Variants in RNASET2 observed in about 807,000 individuals in gnomAD.
RNASET2 encodes ribonuclease T2.
Under a neutral mutation model 33.9 loss-of-function variants are expected in RNASET2, and 28 were observed. The ratio of observed to expected loss-of-function variants is 0.83; its 90% CI spans 0.61 to 1.13. The LOEUF (loss-of-function observed/expected upper bound fraction) is 1.13, where lower values mean the gene tolerates loss of function less well. Among genes scored for constraint, RNASET2 ranks in the 50% most tolerant of loss-of-function variants. The probability of loss-of-function intolerance (pLI) is 0.00; values close to 1 mark genes in which losing one functional copy is unlikely to be tolerated. For missense variants in RNASET2, 330 were observed against 319.9 expected, an observed-to-expected ratio of 1.03 and a Z score of -0.24; for synonymous variants, 123 against 121.0, an observed-to-expected ratio of 1.02 and a Z score of -0.11.
Position 166,929,614 on chromosome 6 carries a change from GA to G in RNASET2, c.744del (p.Pro250HisfsTer48). The stretch of plus-strand genomic sequence containing the variant: ...CAATGCTTGGTCTTTTTAGGTGGGG[GA>G]TAGAAGACTGGGCCATCTTCACAGA... ...LRVCEDGPVF[Y>X]PPPKKTKH On this transcript the variant is annotated frameshift_variant, in exon 9 of 9. Transcript: ENST00000508775. LOFTEE classifies it high-confidence loss of function. 6.2e-7 allele frequency: 1 copy of G among 1,614,126 alleles called. No individual in the cohort carries two copies. Among genetic ancestry groups the G allele is most frequent in the Non-Finnish European group, 8.5e-7 (1 of 1,180,026 alleles).
intron 1 of RNASET2, among the ~76,000 whole-genome samples, chr6:166,955,088 G>T (rs937882115): frequency 1.3e-5 from 2 of 152,078 alleles, no homozygotes; most frequent in Non-Finnish European, 2.9e-5. Context: ...AAATAATATG[G>T]TATTCAAATA....
chr6:166,952,384 C>A, intron 2 of RNASET2, 104 bp downstream of exon 2: 1 of 999,088 alleles, frequency 1.0e-6, no homozygotes, highest in East Asian at 2.4e-5. Context: ...GCGATGCCTA[C>A]CTCCCGCACC....
rs76902111 is a variant in RNASET2 at position 166,928,576 on chromosome 6, C to T, written c.*1012G>A. ...TATATTGAATAAAACATAAATAGGA[C>T]GTTAATGTGATTAAGACAAACAGAG... On this transcript the variant is annotated 3_prime_UTR_variant, in exon 9 of 9. Coordinates refer to ENST00000508775, the MANE Select transcript of RNASET2 (RefSeq NM_003730.6). Among the ~76,000 whole-genome samples, 5,922 of 151,556 alleles carry T rather than the reference C, an allele frequency of 0.039. 225 individuals carry two copies. Among genetic ancestry groups the T allele is most frequent in the African/African-American group, 0.098 (4,062 of 41,260 alleles).
chr6:166,930,483 G>A (rs1014585605), intron 8 of RNASET2, among the ~76,000 whole-genome samples: 32 of 128,252 alleles, frequency 2.5e-4, no homozygotes, highest in Admixed American at 7.6e-4. Context: ...ACACACACAC[G>A]CACATGCCCA....
At chr6:166,952,606 T>A in intron 1 of RNASET2, 58 bp from the exon 2 acceptor site, 1 of 1,325,584 alleles carries the variant, frequency 7.5e-7, no homozygotes, top group East Asian at 2.3e-5. Context: ...ACAGAAAAAA[T>A]TCATCCACCC....
At chr6:166,936,228 CTGAATGAATGAA>C (rs546247226) in intron 6 of RNASET2, among the ~76,000 whole-genome samples, 8 of 152,104 alleles carry the variant, frequency 5.3e-5, no homozygotes, top group Non-Finnish European at 1.0e-4. Context: ...TGAACATTTA[CTGAATGAATGAA>C]TGAATGAATG....
At chr6:166,950,641 G>A (rs1269904378) in intron 2 of RNASET2, among the ~76,000 whole-genome samples, 3 of 152,218 alleles carry the variant, frequency 2.0e-5, no homozygotes, top group South Asian at 2.1e-4. Context: ...AGCAGGGTAC[G>A]CCCTGAGGTG....
At chr6:166,947,034 C>A (rs760751815) in intron 3 of RNASET2, among the ~76,000 whole-genome samples, 25 of 152,078 alleles carry the variant, frequency 1.6e-4, no homozygotes, top group Non-Finnish European at 3.7e-4. Flanking sequence ...CACCGAGGAG[C>A]GGGGACTCTG....
chr6:166,922,297 A>G lies in RNASET2; in HGVS notation c.*7291T>C, dbSNP rs1336221644. Among the ~76,000 whole-genome samples, 1 of 152,220 alleles carries G rather than the reference A, an allele frequency of 6.6e-6. No individual in the cohort carries two copies. Among genetic ancestry groups the G allele is most frequent in the Non-Finnish European group, 1.5e-5 (1 of 68,034 alleles). On this transcript the variant is annotated 3_prime_UTR_variant, in exon 9 of 9. Transcript: ENST00000508775. ...CAAAAAGCGCGGTGATCTGAGTTAT[A>G]GTAAAGCCTGTTTCGTTGGTGTTTG...
rs529452451 is a variant in RNASET2, at chr6:166,924,712, G to C, written c.*4876C>G. Among the ~76,000 whole-genome samples the C allele has an allele frequency of 6.6e-6, 1 of 152,278 alleles. No individual in the cohort carries two copies. Among genetic ancestry groups the C allele is most frequent in the East Asian group, 1.9e-4 (1 of 5,178 alleles). On this transcript the variant is annotated 3_prime_UTR_variant, in exon 9 of 9. Coordinates refer to ENST00000508775, the MANE Select transcript of RNASET2 (RefSeq NM_003730.6). ...TTGCCGTCTGTTGCCCTGCACTTTG[G>C]GAGGCTGAGGCAGGTGGATCACCCG...
chr6:166,955,273 GCACACA>G (rs1326300560), intron 1 of RNASET2, among the ~76,000 whole-genome samples: 3 of 84,728 alleles, frequency 3.5e-5, no homozygotes, highest in Non-Finnish European at 6.4e-5. Flanking sequence ...ACACACACGC[GCACACA>G]CGACACACAC....
Position 166,927,024 on chromosome 6 carries a change from G to A in RNASET2, c.*2564C>T, listed in dbSNP as rs751509489. On this transcript the variant is annotated 3_prime_UTR_variant, in exon 9 of 9. Transcript: ENST00000508775. ...GGCCTGCTCCTCCTTCCACACATAC[G>A]AGCCTGAGACCCCGCTCACATGGGA... 3.9e-5 allele frequency among the ~76,000 whole-genome samples: 6 copies of A among 152,002 alleles called. No individual in the cohort carries two copies. The highest frequency in any genetic ancestry group is 7.4e-5 in the Non-Finnish European group (5 of 68,024).
intron 2 of RNASET2, among the ~76,000 whole-genome samples, chr6:166,951,019 T>C (rs1310503921): frequency 1.3e-5 from 2 of 151,218 alleles, no homozygotes; most frequent in Non-Finnish European, 3.0e-5. Flanking sequence ...CGGAGACCAG[T>C]AGTGGCCCCG....
At position 166,925,163 on chromosome 6, in the gene RNASET2, CTCCTGCCGCCCAGCCCTCA is replaced by C; in HGVS notation, c.*4406_*4424del. Among the ~76,000 whole-genome samples, 2 of 107,256 alleles carry C rather than the reference CTCCTGCCGCCCAGCCCTCA, an allele frequency of 1.9e-5. No individual in the cohort carries two copies. Among genetic ancestry groups the C allele is most frequent in the African/African-American group, 7.1e-5 (1 of 14,118 alleles). 70.4% of individuals were successfully genotyped at this position (107,256 alleles called of 152,430 possible). On this transcript the variant is annotated 3_prime_UTR_variant, in exon 9 of 9. Transcript: ENST00000508775. ...CCTCATCTACGCCATCCAGCCCTCA[CTCCTGCCGCCCAGCCCTCA>C]CTCCTGCCGCCCAGCCCTCACCTCT... is the stretch of plus-strand genomic sequence containing the variant.
chr6:166,929,026 G>A lies in RNASET2; in HGVS notation c.*562C>T, dbSNP rs941509474. ...ACCCAAATCTCCTAGGGCAGGAGGGGCAAAGTCACCGTTCTAGGACACACC... is the reference window on the plus strand; with the variant it reads ...ACCCAAATCTCCTAGGGCAGGAGGGACAAAGTCACCGTTCTAGGACACACC... On this transcript the variant is annotated 3_prime_UTR_variant, in exon 9 of 9. Coordinates refer to ENST00000508775, the MANE Select transcript of RNASET2 (RefSeq NM_003730.6). 2.0e-5 allele frequency among the ~76,000 whole-genome samples: 3 copies of A among 152,240 alleles called. No homozygotes were observed. The highest frequency in any genetic ancestry group is 4.4e-5 in the Non-Finnish European group (3 of 68,040).
At chr6:166,935,492 G>A (rs1459711280) in intron 6 of RNASET2, among the ~76,000 whole-genome samples, 1 of 152,122 alleles carries the variant, frequency 6.6e-6, no homozygotes, top group Non-Finnish European at 1.5e-5. Context: ...CCAGCATCAT[G>A]CTTTCTGCTG....
At chr6:166,936,912 T>A (rs1314661654) in intron 6 of RNASET2, among the ~76,000 whole-genome samples, 1 of 152,230 alleles carries the variant, frequency 6.6e-6, no homozygotes, top group Non-Finnish European at 1.5e-5. Flanking sequence ...TTATCCTTTC[T>A]CTGTTTGATT....
chr6:166,927,891 A>T lies in RNASET2; in HGVS notation c.*1697T>A, dbSNP rs534977047. Among the ~76,000 whole-genome samples, 1 of 152,142 alleles carries T rather than the reference A, an allele frequency of 6.6e-6. No homozygotes were observed. The highest frequency in any genetic ancestry group is 1.5e-5 in the Non-Finnish European group (1 of 68,026). On this transcript the variant is annotated 3_prime_UTR_variant, in exon 9 of 9. Transcript: ENST00000508775. ...TCTCACAGGCATCAAAACACAAATC[A>T]TCAGTTCCCGACAGAAACAAATCCT...
In RNASET2 at chr6:166,924,162, T is replaced by C. The variant is rs565873000; in HGVS notation, c.*5426A>G. On this transcript the variant is annotated 3_prime_UTR_variant, in exon 9 of 9. Coordinates refer to ENST00000508775, the MANE Select transcript of RNASET2 (RefSeq NM_003730.6). ...TCCAGACTGGAGTGCAATGGTGTGA[T>C]TTCGGCTCACTGCAACCTCTGCCTC... 1.5e-3 allele frequency among the ~76,000 whole-genome samples: 233 copies of C among 152,314 alleles called. No homozygotes were observed. Among genetic ancestry groups the C allele is most frequent in the Non-Finnish European group, 2.8e-3 (189 of 68,022 alleles).
Sources: gnomAD v4.1 joint callset for allele counts (sites outside exome capture counted in the v4.1 genomes callset) on GRCh38, gnomAD v4.1.1 for gene constraint, MANE v1.5 for transcripts, NCBI Gene and HGNC (gene_info 2026-07-23, HGNC 2026-07-21) for gene names.